TOPAZ1: variants seen among roughly 807,000 people sequenced by gnomAD.
TOPAZ1 encodes the protein protein TOPAZ1.
TOPAZ1 carries 66 observed loss-of-function variants against 172.2 expected under a neutral mutation model. The observed-to-expected ratio is 0.38, with a 90% CI of 0.31 to 0.47. TOPAZ1 has a LOEUF of 0.47. Ranked by LOEUF, TOPAZ1 falls within the 20% of genes least tolerant of loss-of-function variation. TOPAZ1 has a pLI of 0.99. For missense variants in TOPAZ1, 1,822 were observed against 1,972.4 expected (o/e 0.92, Z 1.44); for synonymous variants, 681 against 683.9 (o/e 1.00, Z 0.07).
In TOPAZ1 at chr3:44,287,489, G is replaced by A; in HGVS notation, c.3537G>A (p.Leu1179=). ...DLLNSLLKHC[L]LKEVFQIVNL... ...TAAATTCTTTACTCAAACATTGTTT[G>A]TTGAAAGAAGTATTTCAGATAGTGA... Residue 1179 remains leucine, a synonymous_variant, in exon 10 of 20, where the codon TTG becomes TTA. Coordinates refer to ENST00000309765, the MANE Select transcript of TOPAZ1 (RefSeq NM_001145030.2). 6.5e-7 allele frequency: 1 copy of A among 1,529,254 alleles called. No individual in the cohort carries two copies. The highest frequency in any genetic ancestry group is 1.3e-5 in the South Asian group (1 of 78,590). 94.7% of individuals were successfully genotyped at this position (1,529,254 alleles called of 1,614,324 possible). A position where few individuals can be genotyped will look rare whatever the true frequency, so the allele number is the denominator to read the frequency against.
At chr3:44,304,981 T>G (rs1052215556) in intron 13 of TOPAZ1, among the ~76,000 whole-genome samples, 166 bp from the exon 14 acceptor site, 1 of 152,232 alleles carries the variant, frequency 6.6e-6, no homozygotes, top group Admixed American at 6.5e-5. Flanking sequence ...CAATAGTGTG[T>G]TGTTGATGTG....
chr3:44,280,728 G>T (rs1183671803), intron 8 of TOPAZ1, among the ~76,000 whole-genome samples: 3 of 152,206 alleles, frequency 2.0e-5, no homozygotes, highest in African/African-American at 7.2e-5. Flanking sequence ...GTGTGAAAAT[G>T]TGTAGCCATC....
At chr3:44,256,937 T>C (rs9856700) in intron 4 of TOPAZ1, among the ~76,000 whole-genome samples, 5,542 of 152,244 alleles carry the variant, frequency 0.036, 323 homozygotes, top group African/African-American at 0.12. Flanking sequence ...CTGTAAATTT[T>C]TAGAAATGCT....
chr3:44,289,432 G>A (rs1462140316), intron 11 of TOPAZ1, among the ~76,000 whole-genome samples: 3 of 152,104 alleles, frequency 2.0e-5, no homozygotes, highest in African/African-American at 7.2e-5. Flanking sequence ...TAGAGCTTAA[G>A]GATTAGAGCC....
chr3:44,309,869 T>C lies in TOPAZ1; in HGVS notation c.4185T>C (p.Phe1395=), dbSNP rs778433716. The C allele has an allele frequency of 2.6e-6, 4 of 1,544,820 alleles. No homozygotes were observed. Among genetic ancestry groups the C allele is most frequent in the Non-Finnish European group, 2.6e-6 (3 of 1,142,314 alleles). Residue 1395 remains phenylalanine, a synonymous_variant, in exon 16 of 20, where the codon TTT becomes TTC. Transcript: ENST00000309765. ...LEKLYELKIH[F]TSLKGLIGPE... ...AACTATATGAATTAAAAATACACTTTACAAGTTTAAAAGGACTTATAGGGC... is the reference window on the plus strand; with the variant it reads ...AACTATATGAATTAAAAATACACTTCACAAGTTTAAAAGGACTTATAGGGC...
chr3:44,311,706 T>C (rs1700399352), intron 16 of TOPAZ1, among the ~76,000 whole-genome samples: 1 of 152,200 alleles, frequency 6.6e-6, no homozygotes, highest in African/African-American at 2.4e-5. Flanking sequence ...GTTCCTAGAA[T>C]TTTTTAATTC....
At chr3:44,285,925 G>T (rs1335489886) in intron 9 of TOPAZ1, among the ~76,000 whole-genome samples, 2 of 151,812 alleles carry the variant, frequency 1.3e-5, no homozygotes, top group East Asian at 2.0e-4. Context: ...ATAACTTAAT[G>T]AGGCCAGGTG....
intron 1 of TOPAZ1, 126 bp downstream of exon 1, chr3:44,242,525 A>T (rs1368698089): frequency 9.7e-7 from 1 of 1,034,648 alleles, no homozygotes; most frequent in East Asian, 2.6e-5. Flanking sequence ...TGACCAGGAG[A>T]TGGGAAAAAT....
intron 18 of TOPAZ1, 137 bp downstream of exon 18, chr3:44,323,432 G>T (rs1700563179): frequency 2.0e-6 from 1 of 493,178 alleles, no homozygotes; most frequent in African/African-American, 2.0e-5. Flanking sequence ...GGTCTCAACA[G>T]ATCTGTGCTC....
intron 8 of TOPAZ1, among the ~76,000 whole-genome samples, chr3:44,271,810 T>C (rs1699902200): frequency 6.6e-6 from 1 of 152,140 alleles, no homozygotes. Context: ...TTATTTGCCA[T>C]AGTCACCACT....
At chr3:44,274,648 G>A (rs1699933441) in intron 8 of TOPAZ1, among the ~76,000 whole-genome samples, 2 of 150,324 alleles carry the variant, frequency 1.3e-5, no homozygotes, top group Non-Finnish European at 1.5e-5. Flanking sequence ...TCCGCCTCCC[G>A]GGTTCAAGCG....
chr3:44,286,947 G>A (rs796244910), intron 9 of TOPAZ1, among the ~76,000 whole-genome samples: 4 of 152,280 alleles, frequency 2.6e-5, no homozygotes, highest in African/African-American at 9.6e-5. Flanking sequence ...GACAAGGCAG[G>A]GAGAAGTTAA....
At chr3:44,336,647 CT>C (rs927623445), downstream of TOPAZ1, among the ~76,000 whole-genome samples, 3 of 152,178 alleles carry the variant, frequency 2.0e-5, no homozygotes, top group African/African-American at 4.8e-5. Flanking sequence ...GCAGGATCCC[CT>C]TGTCAGGTAG....
At chr3:44,330,326 G>A (rs1700653565) in intron 19 of TOPAZ1, among the ~76,000 whole-genome samples, 1 of 152,010 alleles carries the variant, frequency 6.6e-6, no homozygotes, top group African/African-American at 2.4e-5. Context: ...TTTACTTATT[G>A]AATTTGGAAG....
intron 18 of TOPAZ1, among the ~76,000 whole-genome samples, chr3:44,323,972 A>AT (rs1700569270): frequency 6.6e-6 from 1 of 152,138 alleles, no homozygotes; most frequent in Non-Finnish European, 1.5e-5. Context: ...TTCTACCACT[A>AT]TCATGTATAT....
At chr3:44,270,622 C>T (rs952101560) in intron 7 of TOPAZ1, 63 bp from the exon 8 acceptor site, 1 of 1,260,452 alleles carries the variant, frequency 7.9e-7, no homozygotes, top group African/African-American at 1.5e-5. Context: ...CAAATGCTGT[C>T]TTGCTTAACT....
In TOPAZ1 at chr3:44,242,371, T is replaced by A; in HGVS notation, c.318T>A (p.Ala106=). The change falls in exon 1 of 20, where the codon GCT becomes GCA. Residue 106 remains alanine (A), a synonymous_variant. Transcript: ENST00000309765. ...DPRGLEAAKE[A]ELPLQTERHT... Reference sequence around the variant, plus strand: ...GAGGCCTAGAAGCAGCAAAGGAGGCTGAACTCCCCTTGCAAACGGAAAGAC... The same window carrying A: ...GAGGCCTAGAAGCAGCAAAGGAGGCAGAACTCCCCTTGCAAACGGAAAGAC... 3 of 1,552,366 alleles carry A rather than the reference T, an allele frequency of 1.9e-6. No homozygotes were observed. Among genetic ancestry groups the A allele is most frequent in the Non-Finnish European group, 2.6e-6 (3 of 1,147,134 alleles).
rs1185320012 is a variant in TOPAZ1 at position 44,243,022 on chromosome 3, T to C, written c.516T>C (p.Asn172=). Residue 172 remains asparagine, a synonymous_variant, in exon 2 of 20, where the codon AAT becomes AAC. Coordinates refer to ENST00000309765, the MANE Select transcript of TOPAZ1 (RefSeq NM_001145030.2). ...AAGGTATTAAAAGAAGAATTCGAAATAAAAAACTTAAAAGCTTAGAAAACC... is the reference window on the plus strand; with the variant it reads ...AAGGTATTAAAAGAAGAATTCGAAACAAAAAACTTAAAAGCTTAGAAAACC... ...IIEGIKRRIR[N]KKLKSLENPP... 1 of 1,542,058 alleles carries C rather than the reference T, an allele frequency of 6.5e-7. No individual in the cohort carries two copies. Among genetic ancestry groups the C allele is most frequent in the South Asian group, 1.2e-5 (1 of 80,794 alleles).
rs1700502990 is a variant in TOPAZ1, at chr3:44,321,204, A to G, written c.4471+13A>G. 1 of 1,531,090 alleles carries G rather than the reference A, an allele frequency of 6.5e-7. No homozygotes were observed. Among genetic ancestry groups the G allele is most frequent in the Non-Finnish European group, 8.8e-7 (1 of 1,137,792 alleles). The allele number at this position is 1,531,090 out of a possible 1,614,324, so 94.8% of individuals were successfully genotyped here. ...CAAAATTCCCAAGGTATGTTTTTTA[A>G]AAGTCTATCTTAATTATCTCTTGCC... On this transcript the variant is annotated intron_variant, in intron 17 of 19. Transcript: ENST00000309765.
Sources: allele counts gnomAD v4.1 joint callset (sites outside exome capture counted in the v4.1 genomes callset), GRCh38; gene constraint gnomAD v4.1.1; transcripts MANE v1.5; gene names NCBI Gene and HGNC (gene_info 2026-07-23, HGNC 2026-07-21).